Variants in FGF12 observed in about 807,000 individuals in gnomAD.
FGF12 encodes fibroblast growth factor 12B.
In FGF12, 14 loss-of-function variants were observed where a neutral mutation model predicts 23.6. That is an observed-to-expected ratio of 0.59 (90% CI 0.39 to 0.93). The LOEUF is 0.93. Among genes scored for constraint, FGF12 ranks in the 40% least tolerant of loss-of-function variants. The pLI is 0.00. For missense variants in FGF12, 175 were observed against 217.8 expected, an observed-to-expected ratio of 0.80 and a Z score of 1.24; for synonymous variants, 62 against 77.3, an observed-to-expected ratio of 0.80 and a Z score of 1.04.
chr3:192,711,649 C>G (rs180727868), intron 2 of FGF12, among the ~76,000 whole-genome samples: 75 of 152,246 alleles, frequency 4.9e-4, no homozygotes, highest in African/African-American at 1.6e-3. Flanking sequence ...ACCTTACCCC[C>G]CAACCCGGTG....
intron 2 of FGF12, among the ~76,000 whole-genome samples, chr3:192,473,234 C>T (rs749467147): frequency 1.2e-4 from 18 of 152,202 alleles, no homozygotes; most frequent in Non-Finnish European, 1.5e-5. Flanking sequence ...AACCACACCT[C>T]ACCCCTCAAG....
intron 2 of FGF12, among the ~76,000 whole-genome samples, chr3:192,438,045 C>G (rs1722081638): frequency 2.0e-5 from 3 of 152,218 alleles, no homozygotes; most frequent in Admixed American, 2.0e-4. Context: ...TGCAAATATA[C>G]TGAGCTTGAG....
chr3:192,376,809 G>A lies in FGF12; in HGVS notation c.14-16271C>T, dbSNP rs1002385577. ...TTCATCTTAATATCTACAACTTGGG[G>A]GTATGAATTATTCAACTTGTTGAGC... On this transcript the variant is annotated intron_variant, in intron 2 of 5. Transcript: ENST00000445105. Among the ~76,000 whole-genome samples, 4 of 151,994 alleles carry A rather than the reference G, an allele frequency of 2.6e-5. No individual in the cohort carries two copies. In the East Asian group the frequency reaches 7.7e-4, roughly 29 times the overall value.
In FGF12 at chr3:192,542,938, G is replaced by A. The variant is rs1337861126; in HGVS notation, c.14-182400C>T. 3.9e-5 allele frequency among the ~76,000 whole-genome samples: 6 copies of A among 152,280 alleles called. No homozygotes were observed. The East Asian group carries it at 1.2e-3, about 29-fold the overall frequency. On this transcript the variant is annotated intron_variant, in intron 2 of 5. Coordinates refer to ENST00000445105, the MANE Select transcript of FGF12 (RefSeq NM_004113.6). ...TCCTGTTGTCACCACTATTAGGACT[G>A]TGCTGGGTCAGACCTGAAACTAGTA...
intron 4 of FGF12, among the ~76,000 whole-genome samples, chr3:192,229,958 T>A (rs1328480279): frequency 1.7e-5 from 2 of 121,054 alleles, no homozygotes; most frequent in Non-Finnish European, 3.3e-5. Context: ...GATGATACAT[T>A]ATGTGAGAAA....
At chr3:192,564,657 T>G (rs1017801985) in intron 2 of FGF12, among the ~76,000 whole-genome samples, 1 of 152,168 alleles carries the variant, frequency 6.6e-6, no homozygotes, top group African/African-American at 2.4e-5. Context: ...GTGATCACAG[T>G]TCATGATCAC....
At chr3:192,595,057 G>T (rs1713782867) in intron 2 of FGF12, among the ~76,000 whole-genome samples, 1 of 152,112 alleles carries the variant, frequency 6.6e-6, no homozygotes, top group Non-Finnish European at 1.5e-5. Context: ...TAACTCCATA[G>T]GTAACAGTTT....
chr3:192,625,095 T>C (rs1281744700), intron 2 of FGF12, among the ~76,000 whole-genome samples: 1 of 152,108 alleles, frequency 6.6e-6, no homozygotes, highest in Non-Finnish European at 1.5e-5. Flanking sequence ...AGTACTTAGG[T>C]TGTGTCTAAT....
chr3:192,186,741 C>A (rs867852120), intron 4 of FGF12, among the ~76,000 whole-genome samples: 1 of 152,158 alleles, frequency 6.6e-6, no homozygotes, highest in African/African-American at 2.4e-5. Context: ...ACTGAAAAAT[C>A]TATTGTTTAG....
intron 2 of FGF12, among the ~76,000 whole-genome samples, chr3:192,708,426 TAAAC>T (rs1718554686): frequency 1.3e-5 from 2 of 152,182 alleles, no homozygotes; most frequent in African/African-American, 4.8e-5. Flanking sequence ...AAAAATTAAA[TAAAC>T]AAAGATTTTA....
At chr3:192,305,676 A>AT (rs1335576322) in intron 4 of FGF12, among the ~76,000 whole-genome samples, 1,617 of 126,372 alleles carry the variant, frequency 0.013, 17 homozygotes, top group East Asian at 0.053. Flanking sequence ...GAAAAAAAAA[A>AT]AAAATATATA....
At chr3:192,248,690 A>G (rs1286495255) in intron 4 of FGF12, among the ~76,000 whole-genome samples, 1 of 152,184 alleles carries the variant, frequency 6.6e-6, no homozygotes, top group East Asian at 1.9e-4. Flanking sequence ...AGGCGGGAGG[A>G]TGACTTCTGC....
At chr3:192,556,700 C>T (rs542605947) in intron 2 of FGF12, among the ~76,000 whole-genome samples, 25 of 152,236 alleles carry the variant, frequency 1.6e-4, no homozygotes, top group African/African-American at 6.0e-4. Context: ...CATTCTACAG[C>T]AGAAGATAAA....
chr3:192,715,459 T>C (rs937099066), intron 2 of FGF12, among the ~76,000 whole-genome samples: 7 of 152,232 alleles, frequency 4.6e-5, no homozygotes, highest in Admixed American at 2.6e-4. Flanking sequence ...CCTTTGCATA[T>C]AATATTTCAT....
chr3:192,249,819 T>C (rs1711880217), intron 4 of FGF12, among the ~76,000 whole-genome samples: 1 of 152,176 alleles, frequency 6.6e-6, no homozygotes, highest in African/African-American at 2.4e-5. Context: ...AGGCAATCAT[T>C]ACAACTCACA....
intron 4 of FGF12, among the ~76,000 whole-genome samples, chr3:192,329,103 A>T (rs2108689737): frequency 6.6e-6 from 1 of 152,338 alleles, no homozygotes; most frequent in Non-Finnish European, 1.5e-5. Context: ...GAATGTGTTT[A>T]ATGCTGTGGT....
intron 2 of FGF12, among the ~76,000 whole-genome samples, chr3:192,518,447 G>C (rs909250468): frequency 1.3e-5 from 2 of 152,078 alleles, no homozygotes; most frequent in African/African-American, 2.4e-5. Context: ...ACTTATCTAA[G>C]ATATTTTTCT....
intron 2 of FGF12, among the ~76,000 whole-genome samples, chr3:192,361,846 CT>C (rs1329331235): frequency 1.3e-5 from 2 of 152,260 alleles, no homozygotes; most frequent in African/African-American, 4.8e-5. Context: ...ATCAACACAT[CT>C]TTTTCAAAGC....
chr3:192,239,843 C>G (rs1204738171), intron 4 of FGF12, among the ~76,000 whole-genome samples: 1 of 152,214 alleles, frequency 6.6e-6, no homozygotes, highest in Non-Finnish European at 1.5e-5. Context: ...TTGTGATAGA[C>G]TACTAATCCT....
Sources: gnomAD v4.1 joint callset for allele counts (sites outside exome capture counted in the v4.1 genomes callset) on GRCh38, gnomAD v4.1.1 for gene constraint, MANE v1.5 for transcripts, NCBI Gene and HGNC (gene_info 2026-07-23, HGNC 2026-07-21) for gene names.